Variants in LRTM1 observed in about 807,000 individuals in gnomAD.
LRTM1 encodes leucine-rich repeat and transmembrane domain-containing protein 1.
In LRTM1, 38 loss-of-function variants were observed where a neutral mutation model predicts 32.4. The ratio of observed to expected loss-of-function variants is 1.17; its 90% confidence interval spans 0.91 to 1.54. The LOEUF is 1.54. LRTM1 is among the 40% of genes most tolerant of loss of function. LRTM1 has a pLI of 0.00. For missense variants in LRTM1, 466 were observed against 415.4 expected, an observed-to-expected ratio of 1.12 and a Z score of -1.06; for synonymous variants, 186 against 169.9, an observed-to-expected ratio of 1.09 and a Z score of -0.74.
chr3:54,943,403 C>T (rs1259122942), intron 1 of LRTM1, among the ~76,000 whole-genome samples: 1 of 152,106 alleles, frequency 6.6e-6, no homozygotes, highest in East Asian at 1.9e-4. Context: ...TCCTTTAATA[C>T]ATGGTGCTTT....
intron 1 of LRTM1, among the ~76,000 whole-genome samples, chr3:54,945,468 A>G (rs1162905556): frequency 1.3e-5 from 2 of 152,192 alleles, no homozygotes; most frequent in African/African-American, 4.8e-5. Context: ...GGAGCCAATG[A>G]GTGTCTCCAG....
At chr3:54,920,631 A>G (rs9815947) in intron 2 of LRTM1, among the ~76,000 whole-genome samples, 94,688 of 152,020 alleles carry the variant, frequency 0.62, 29,723 homozygotes, top group East Asian at 0.77. Flanking sequence ...GCACCTGACC[A>G]TAGGAGCCTC....
At chr3:54,960,420 C>G (rs773311347) in intron 1 of LRTM1, among the ~76,000 whole-genome samples, 1 of 152,122 alleles carries the variant, frequency 6.6e-6, no homozygotes, top group African/African-American at 2.4e-5. Context: ...ACCTCCTCCC[C>G]TTTTATCATT....
At chr3:54,957,691 C>T (rs1701935373) in intron 1 of LRTM1, among the ~76,000 whole-genome samples, 1 of 127,620 alleles carries the variant, frequency 7.8e-6, no homozygotes, top group Non-Finnish European at 1.8e-5. Context: ...TTCCAGGCCC[C>T]ACCCAGTCAG....
chr3:54,953,607 TC>T (rs1331853573), intron 1 of LRTM1, among the ~76,000 whole-genome samples: 1 of 152,210 alleles, frequency 6.6e-6, no homozygotes, highest in Non-Finnish European at 1.5e-5. Context: ...ACATCCACGA[TC>T]CTTTCTATTT....
intron 1 of LRTM1, among the ~76,000 whole-genome samples, chr3:54,934,114 G>A (rs1161381697): frequency 1.3e-5 from 2 of 152,142 alleles, no homozygotes; most frequent in Non-Finnish European, 2.9e-5. Flanking sequence ...AAACAGGGAC[G>A]GAGAAGGTAA....
At chr3:54,936,088 C>T (rs1028557463) in intron 1 of LRTM1, among the ~76,000 whole-genome samples, 1 of 151,676 alleles carries the variant, frequency 6.6e-6, no homozygotes, top group Non-Finnish European at 1.5e-5. Flanking sequence ...TCTTTAACTT[C>T]GTCATCTGTG....
At chr3:54,961,353 G>T (rs1246236055) in intron 1 of LRTM1, among the ~76,000 whole-genome samples, 1 of 152,164 alleles carries the variant, frequency 6.6e-6, no homozygotes, top group African/African-American at 2.4e-5. Context: ...TGTACAATTT[G>T]GGTTTTGGGA....
Position 54,918,800 on chromosome 3 carries a change from G to A in LRTM1, c.697C>T (p.Pro233Ser), listed in dbSNP as rs1189551019. 1 of 1,613,710 alleles carries A rather than the reference G, an allele frequency of 6.2e-7. No homozygotes were observed. The highest frequency in any genetic ancestry group is 1.3e-5 in the African/African-American group (1 of 74,910). Residue 233 changes from proline (P) to serine (S), a missense_variant, in exon 3 of 3, where the codon CCT becomes TCT. Coordinates refer to ENST00000273286, the MANE Select transcript of LRTM1 (RefSeq NM_020678.4). ...RIPHELYQPCPLPAPDPVSSQ... is the reference protein window; with the variant it reads ...RIPHELYQPCSLPAPDPVSSQ... ...GACACTGGATCAGGAGCAGGAAGAG[G>A]GCAGGGCTGGTACAGCTCATGAGGG...
chr3:54,928,721 C>A (rs1013243766), upstream of LRTM1, among the ~76,000 whole-genome samples: 8 of 152,008 alleles, frequency 5.3e-5, no homozygotes, highest in Admixed American at 4.6e-4. Flanking sequence ...ACTCCCCAGC[C>A]CCCGAGTTGA....
At chr3:54,933,051 C>CCCTTCCTTCCTTCCTT (rs60554563), upstream of LRTM1, among the ~76,000 whole-genome samples, 11 of 139,544 alleles carry the variant, frequency 7.9e-5, no homozygotes, top group East Asian at 2.1e-4. Context: ...ATCCATCCCT[C>CCCTTCCTTCCTTCCTT]CCTTCCTTCC....
At chr3:54,927,316 G>A (rs1436056517) in intron 1 of LRTM1, among the ~76,000 whole-genome samples, 2 of 152,162 alleles carry the variant, frequency 1.3e-5, no homozygotes, top group Non-Finnish European at 1.5e-5. Flanking sequence ...AAGGGATGCA[G>A]AACATCACAG....
chr3:54,942,335 C>G (rs1476909210), intron 1 of LRTM1, among the ~76,000 whole-genome samples: 1 of 152,224 alleles, frequency 6.6e-6, no homozygotes, highest in Admixed American at 6.5e-5. Context: ...GGGCTGACCT[C>G]TCCCCCTGAG....
chr3:54,940,021 A>G (rs1449103576), intron 1 of LRTM1, among the ~76,000 whole-genome samples: 3 of 151,204 alleles, frequency 2.0e-5, no homozygotes, highest in African/African-American at 4.9e-5. Context: ...TGAGCATCTC[A>G]GAAAGAGGGG....
chr3:54,925,784 A>G (rs1011333166), intron 1 of LRTM1, among the ~76,000 whole-genome samples: 1 of 152,158 alleles, frequency 6.6e-6, no homozygotes, highest in South Asian at 2.1e-4. Context: ...ATTTCATTTT[A>G]ACTATTTTAA....
chr3:54,955,724 A>G lies in LRTM1; in HGVS notation c.-222+11204T>C, dbSNP rs147705808. Among the ~76,000 whole-genome samples the G allele has an allele frequency of 4.6e-3, 699 of 152,236 alleles. 6 individuals are homozygous for G. The highest frequency in any genetic ancestry group is 0.016 in the African/African-American group (666 of 41,570). On this transcript the variant is annotated intron_variant, in intron 1 of 2. Transcript: ENST00000493075. ...TGGCTCTCCCCTGAGGCCTCTGTCT[A>G]CCGAGGGGGCTTTTTTGGGTATTGG...
At chr3:54,936,461 T>G (rs928093798) in intron 1 of LRTM1, among the ~76,000 whole-genome samples, 1 of 152,192 alleles carries the variant, frequency 6.6e-6, no homozygotes, top group Non-Finnish European at 1.5e-5. Context: ...AAGTTGATTG[T>G]TAGTATCATG....
chr3:54,941,833 A>G (rs1395020283), intron 1 of LRTM1, among the ~76,000 whole-genome samples: 3 of 152,138 alleles, frequency 2.0e-5, no homozygotes, highest in Non-Finnish European at 4.4e-5. Flanking sequence ...AGGGACATGC[A>G]TTGGCCTCCT....
chr3:54,931,954 G>A (rs898058473), upstream of LRTM1, among the ~76,000 whole-genome samples: 3 of 152,162 alleles, frequency 2.0e-5, no homozygotes, highest in African/African-American at 7.2e-5. Flanking sequence ...GCTAAGGTGG[G>A]TGGATCACTT....
Sources: allele counts gnomAD v4.1 joint callset (sites outside exome capture counted in the v4.1 genomes callset), GRCh38; gene constraint gnomAD v4.1.1; transcripts MANE v1.5; gene names NCBI Gene and HGNC (gene_info 2026-07-23, HGNC 2026-07-21).